SH3PXD2B: variants seen among roughly 807,000 people sequenced by gnomAD.
SH3PXD2B encodes SH3 and PX domains 2B.
In SH3PXD2B, 37 loss-of-function variants were observed where a neutral mutation model predicts 73.1. That is an observed-to-expected ratio of 0.51 (90% CI 0.39 to 0.67). SH3PXD2B has a LOEUF of 0.67. SH3PXD2B is among the 30% of genes least tolerant of loss of function. The pLI is 0.00. For missense variants in SH3PXD2B, 1,053 were observed against 1,197.8 expected, an observed-to-expected ratio of 0.88 and a Z score of 1.78; for synonymous variants, 457 against 480.5, an observed-to-expected ratio of 0.95 and a Z score of 0.64.
At chr5:172,430,392 A>G (rs1759207433) in intron 1 of SH3PXD2B, among the ~76,000 whole-genome samples, 1 of 152,214 alleles carries the variant, frequency 6.6e-6, no homozygotes, top group Admixed American at 6.5e-5. Context: ...CTGGGAACAC[A>G]GGCCCACTGT....
Position 172,337,243 on chromosome 5 carries a change from AC to A in SH3PXD2B, c.*1125del, listed in dbSNP as rs70982391. On this transcript the variant is annotated 3_prime_UTR_variant, in exon 13 of 13. Coordinates refer to ENST00000311601, the MANE Select transcript of SH3PXD2B (RefSeq NM_001017995.3). Reference sequence around the variant, plus strand: ...TGGGAGCAGCCACGAATGCCCCCTCACCCCCCTCACAATGAAGCCACTTGGC... The same window carrying A: ...TGGGAGCAGCCACGAATGCCCCCTCACCCCCTCACAATGAAGCCACTTGGC... 9.1e-6 allele frequency: 9 copies of A among 984,848 alleles called. No homozygotes were observed. The highest frequency in any genetic ancestry group is 1.1e-5 in the Non-Finnish European group (9 of 829,850). The allele number at this position is 984,848 out of a possible 1,614,324, so 61.0% of individuals were successfully genotyped here.
intron 6 of SH3PXD2B, among the ~76,000 whole-genome samples, chr5:172,368,572 TGTTATATATATATATAAA>T (rs1757607079): frequency 6.0e-5 from 1 of 16,720 alleles, no homozygotes; most frequent in African/African-American, 4.7e-4. Context: ...ATATAAAATA[TGTTATATATATATATAAA>T]ATATGTTATA....
downstream of SH3PXD2B, among the ~76,000 whole-genome samples, chr5:172,328,515 A>G (rs772900591): frequency 3.3e-5 from 5 of 152,132 alleles, no homozygotes; most frequent in Non-Finnish European, 5.9e-5. Context: ...GACAGTTTTT[A>G]AGAATCCTAA....
intron 1 of SH3PXD2B, 36 bp downstream of exon 1, chr5:172,454,242 G>A (rs772528301): frequency 1.3e-6 from 2 of 1,572,200 alleles, no homozygotes; most frequent in East Asian, 2.4e-5. Flanking sequence ...GACGGGGCGC[G>A]GGCTCAAGGG....
At chr5:172,351,607 A>G (rs1311921200) in intron 9 of SH3PXD2B, among the ~76,000 whole-genome samples, 1 of 152,176 alleles carries the variant, frequency 6.6e-6, no homozygotes, top group Non-Finnish European at 1.5e-5. Context: ...GGCAACTGGC[A>G]AACACTGTAA....
intron 1 of SH3PXD2B, among the ~76,000 whole-genome samples, chr5:172,453,078 A>G (rs959710508): frequency 1.3e-5 from 2 of 152,056 alleles, no homozygotes; most frequent in Non-Finnish European, 2.9e-5. Context: ...TTCACAGGCT[A>G]TTCACGGAAG....
At chr5:172,328,995 G>C (rs528423512), downstream of SH3PXD2B, among the ~76,000 whole-genome samples, 1 of 145,032 alleles carries the variant, frequency 6.9e-6, no homozygotes, top group East Asian at 2.0e-4. Flanking sequence ...ATGTTAACAT[G>C]TATAGATACA....
At chr5:172,438,516 C>T (rs901296330) in intron 1 of SH3PXD2B, among the ~76,000 whole-genome samples, 1 of 152,188 alleles carries the variant, frequency 6.6e-6, no homozygotes, top group Admixed American at 6.5e-5. Context: ...TCACTCAAGG[C>T]TCTCTGTGTC....
rs1025065887 is a variant in SH3PXD2B at position 172,442,444 on chromosome 5, T to C, written c.75+11834A>G. Among the ~76,000 whole-genome samples, 32 of 152,372 alleles carry C rather than the reference T, an allele frequency of 2.1e-4. 1 individual carries two copies. Among genetic ancestry groups the C allele is most frequent in the Admixed American group, 1.8e-3 (28 of 15,308 alleles). ...TGGACAAACCACTTTTAAAGATGCC[T>C]TTATAGTTCATTGTAAGGCTATATA... On this transcript the variant is annotated intron_variant, in intron 1 of 12. Transcript: ENST00000311601.
At chr5:172,401,516 C>T (rs992222569) in intron 3 of SH3PXD2B, among the ~76,000 whole-genome samples, 5 of 151,978 alleles carry the variant, frequency 3.3e-5, no homozygotes, top group South Asian at 2.1e-4. Context: ...TTTAGTGTGC[C>T]GGACCAGTCA....
chr5:172,382,744 G>C (rs1757977663), intron 4 of SH3PXD2B, among the ~76,000 whole-genome samples: 1 of 151,898 alleles, frequency 6.6e-6, no homozygotes, highest in South Asian at 2.1e-4. Flanking sequence ...ATTTATTTAT[G>C]TTGAGACAGG....
At chr5:172,414,744 T>C (rs1758781831) in intron 2 of SH3PXD2B, among the ~76,000 whole-genome samples, 1 of 152,230 alleles carries the variant, frequency 6.6e-6, no homozygotes, top group South Asian at 2.1e-4. Flanking sequence ...GAGTGTTCCT[T>C]CTTACAGATG....
Position 172,432,925 on chromosome 5 carries a change from AGGGG to A in SH3PXD2B, c.76-10433_76-10430del, listed in dbSNP as rs201533837. On this transcript the variant is annotated intron_variant, in intron 1 of 12. Coordinates refer to ENST00000311601, the MANE Select transcript of SH3PXD2B (RefSeq NM_001017995.3). ...AAACTCTGTCTGTCTCAAAAAAAAA[AGGGG>A]GGGGGGGGGGAAGAATTGACTGTAC... Among the ~76,000 whole-genome samples the A allele has an allele frequency of 5.7e-3, 452 of 78,766 alleles. 4 individuals carry two copies. The highest frequency in any genetic ancestry group is 0.017 in the Middle Eastern group (2 of 116). 51.7% of individuals were successfully genotyped at this position (78,766 alleles called of 152,430 possible).
Position 172,344,683 on chromosome 5 carries a change from A to G in SH3PXD2B, c.1188+1453T>C, listed in dbSNP as rs997536867. 4.6e-5 allele frequency among the ~76,000 whole-genome samples: 7 copies of G among 152,030 alleles called. No homozygotes were observed. In the South Asian group the frequency reaches 6.2e-4, roughly 14 times the overall value. Reference sequence around the variant, plus strand: ...GGGGCAGATTTTTCTATAATGGATTAAAACACAATTCAGAATTTTCCCAAA... The same window carrying G: ...GGGGCAGATTTTTCTATAATGGATTGAAACACAATTCAGAATTTTCCCAAA... On this transcript the variant is annotated intron_variant, in intron 12 of 12. Transcript: ENST00000311601.
chr5:172,368,390 T>G (rs1042037444), intron 6 of SH3PXD2B, among the ~76,000 whole-genome samples: 1 of 143,820 alleles, frequency 7.0e-6, no homozygotes, highest in African/African-American at 2.6e-5. Flanking sequence ...CACTGCTATA[T>G]TCATACTGCC....
chr5:172,407,152 C>G (rs1216386235), intron 2 of SH3PXD2B, among the ~76,000 whole-genome samples: 1 of 152,226 alleles, frequency 6.6e-6, no homozygotes, highest in African/African-American at 2.4e-5. Flanking sequence ...CATAAGGACA[C>G]TGACTTGCAG....
At chr5:172,452,256 A>G (rs1205864169) in intron 1 of SH3PXD2B, among the ~76,000 whole-genome samples, 2 of 152,184 alleles carry the variant, frequency 1.3e-5, no homozygotes, top group African/African-American at 4.8e-5. Context: ...TTAACATAGA[A>G]ACTTGTCTCA....
intron 1 of SH3PXD2B, among the ~76,000 whole-genome samples, chr5:172,438,798 G>A (rs1759451782): frequency 6.6e-6 from 1 of 152,176 alleles, no homozygotes; most frequent in Admixed American, 6.5e-5. Flanking sequence ...GAACTGTTCT[G>A]TAGTGGAGGT....
chr5:172,410,792 TC>T lies in SH3PXD2B; in HGVS notation c.157-4441del, dbSNP rs1211257661. Among the ~76,000 whole-genome samples, 4 of 152,344 alleles carry T rather than the reference TC, an allele frequency of 2.6e-5. No homozygotes were observed. In the East Asian group the frequency reaches 7.7e-4, roughly 29 times the overall value. On this transcript the variant is annotated intron_variant, in intron 2 of 12. Coordinates refer to ENST00000311601, the MANE Select transcript of SH3PXD2B (RefSeq NM_001017995.3). ...AACAGTTCACAGTGAACATGTCCTC[TC>T]ATATACGATTTCATGTGACCTTGAC... is the stretch of plus-strand genomic sequence containing the variant.
Sources: allele counts gnomAD v4.1 joint callset (sites outside exome capture counted in the v4.1 genomes callset), GRCh38; gene constraint gnomAD v4.1.1; transcripts MANE v1.5; gene names NCBI Gene and HGNC (gene_info 2026-07-23, HGNC 2026-07-21).